The following CDH4 variants were observed in gnomAD, a reference collection of about 807,000 sequenced individuals.
The protein encoded by CDH4 is cadherin-4.
CDH4 carries 33 observed loss-of-function variants against 86.0 expected under a neutral mutation model. The ratio of observed to expected loss-of-function variants is 0.38; its 90% confidence interval spans 0.29 to 0.51. The LOEUF (loss-of-function observed/expected upper bound fraction) is 0.51. Ranked by LOEUF, CDH4 falls within the 20% of genes least tolerant of loss-of-function variation. The probability of loss-of-function intolerance (pLI) is 0.86; values close to 1 mark genes in which losing one functional copy is unlikely to be tolerated. For missense variants in CDH4, 1,114 were observed against 1,307.4 expected (o/e 0.85, Z 2.28); for synonymous variants, 555 against 549.4 (o/e 1.01, Z -0.14).
At chr20:61,838,839 G>A (rs201512876) in intron 4 of CDH4, among the ~76,000 whole-genome samples, 25 of 99,950 alleles carry the variant, frequency 2.5e-4, no homozygotes, top group East Asian at 1.0e-3. Flanking sequence ...AAAAAAAAAA[G>A]AAAGAAAGAA....
At chr20:61,594,255 G>T (rs1201599271) in intron 2 of CDH4, among the ~76,000 whole-genome samples, 1 of 129,102 alleles carries the variant, frequency 7.7e-6, no homozygotes, top group East Asian at 2.8e-4. Flanking sequence ...GGGGAAGAGG[G>T]TGGGGGGGAA....
At chr20:61,783,902 C>T (rs375835556) in intron 4 of CDH4, among the ~76,000 whole-genome samples, 1 of 17,874 alleles carries the variant, frequency 5.6e-5, no homozygotes, top group African/African-American at 4.6e-4. Flanking sequence ...TTCCTTGGGA[C>T]AGTTCTCAAG....
rs55698727 is a variant in CDH4, at chr20:61,703,138, C to A, written c.170-40425C>A. ...AGGGGGCCACGGGATGTTAGAAATG[C>A]GGCAGAGACCAAGCTGTGATCAGAA... On this transcript the variant is annotated intron_variant, in intron 2 of 15. Coordinates refer to ENST00000614565, the MANE Select transcript of CDH4 (RefSeq NM_001794.5). This position sits in a 1 kb window ranked among gnomAD's most constrained non-coding sequence, Gnocchi z 4.3. Among the ~76,000 whole-genome samples the A allele has an allele frequency of 6.6e-3, 999 of 152,258 alleles. 12 individuals carry two copies. The highest frequency in any genetic ancestry group is 0.023 in the African/African-American group (967 of 41,548).
intron 4 of CDH4, among the ~76,000 whole-genome samples, chr20:61,804,776 A>G (rs1424604992): frequency 2.6e-5 from 4 of 152,212 alleles, no homozygotes; most frequent in African/African-American, 9.6e-5. Context: ...AGAAGAAGAG[A>G]TGGCTCAGAG....
intron 2 of CDH4, among the ~76,000 whole-genome samples, chr20:61,699,967 A>G (rs2087757582): frequency 6.6e-6 from 1 of 152,176 alleles, no homozygotes; most frequent in African/African-American, 2.4e-5. Context: ...GGAAGTGTCA[A>G]AATGTGAGCA....
chr20:61,281,492 A>G (rs1249093968), intron 2 of CDH4, among the ~76,000 whole-genome samples: 1 of 152,340 alleles, frequency 6.6e-6, no homozygotes, highest in African/African-American at 2.4e-5. Context: ...GCCATGAGCA[A>G]CCAGTGTCTG....
At chr20:61,578,780 A>T (rs938539726) in intron 2 of CDH4, among the ~76,000 whole-genome samples, 1 of 152,074 alleles carries the variant, frequency 6.6e-6, no homozygotes, top group Non-Finnish European at 1.5e-5. Flanking sequence ...TGCTTCTCTC[A>T]TCCGGTCCAT....
At chr20:61,819,874 G>T (rs1035649205) in intron 4 of CDH4, among the ~76,000 whole-genome samples, 4 of 152,182 alleles carry the variant, frequency 2.6e-5, no homozygotes, top group Admixed American at 6.5e-5. Context: ...AGCAGGCCTG[G>T]TCCTCAGGTA....
rs1164572380 is a variant in CDH4, at chr20:61,684,798, C to T, written c.170-58765C>T. Among the ~76,000 whole-genome samples, 1 of 152,200 alleles carries T rather than the reference C, an allele frequency of 6.6e-6. No homozygotes were observed. ...AGCCCACAGCCGCCTGCCGTGACCA[C>T]CCCTCGATGTGGGTGAGGTTTCTAA... On this transcript the variant is annotated intron_variant, in intron 2 of 15. Coordinates refer to ENST00000614565, the MANE Select transcript of CDH4 (RefSeq NM_001794.5). The surrounding 1 kb of genome is among the most constrained non-coding windows in gnomAD (Gnocchi z 4.5).
chr20:61,589,198 A>C (rs528228936), intron 2 of CDH4, among the ~76,000 whole-genome samples: 1 of 152,224 alleles, frequency 6.6e-6, no homozygotes, highest in Non-Finnish European at 1.5e-5. Flanking sequence ...ACTTTTGCCA[A>C]ATAGGCTTCC....
rs2055239925 is a variant in CDH4, at chr20:61,939,648, A to G, written c.*2705A>G. ...TCTCTTCCTTAAGCTTGTAGATACG[A>G]CTGCCTATAATCAGGGGACTCCCAC... On this transcript the variant is annotated 3_prime_UTR_variant, in exon 16 of 16. Transcript: ENST00000614565. 1 of 152,254 alleles carries G rather than the reference A, an allele frequency of 6.6e-6. No individual in the cohort carries two copies. Among genetic ancestry groups the G allele is most frequent in the South Asian group, 2.1e-4 (1 of 4,830 alleles). 9.4% of individuals were successfully genotyped at this position (152,254 alleles called of 1,614,324 possible).
intron 2 of CDH4, among the ~76,000 whole-genome samples, chr20:61,687,255 T>C (rs2087593940): frequency 6.6e-6 from 1 of 152,204 alleles, no homozygotes; most frequent in Non-Finnish European, 1.5e-5. Context: ...CCAGACATCA[T>C]CCACTGGACT....
At chr20:61,398,735 G>T (rs2085032879) in intron 2 of CDH4, among the ~76,000 whole-genome samples, 1 of 152,214 alleles carries the variant, frequency 6.6e-6, no homozygotes, top group Non-Finnish European at 1.5e-5. Context: ...GGGTACCTAG[G>T]TCTGGGTACT....
intron 4 of CDH4, among the ~76,000 whole-genome samples, chr20:61,839,924 G>A (rs1427836131): frequency 6.6e-6 from 1 of 150,686 alleles, no homozygotes; most frequent in African/African-American, 2.4e-5. Context: ...TGTGTCATGT[G>A]TACATGTCTG....
chr20:61,657,423 C>T (rs964360314), intron 2 of CDH4, among the ~76,000 whole-genome samples: 4 of 152,254 alleles, frequency 2.6e-5, no homozygotes, highest in African/African-American at 9.6e-5. Context: ...AAAGATACAA[C>T]CACAAGACTA....
At chr20:61,526,805 A>G (rs1022136364) in intron 2 of CDH4, among the ~76,000 whole-genome samples, 2 of 152,186 alleles carry the variant, frequency 1.3e-5, no homozygotes, top group African/African-American at 4.8e-5. Context: ...ATTTTTAAAG[A>G]TCCTACAGTC....
Position 61,686,061 on chromosome 20 carries a change from A to AT in CDH4, c.170-57493dup, listed in dbSNP as rs966728849. 1.1e-4 allele frequency among the ~76,000 whole-genome samples: 17 copies of AT among 152,078 alleles called. No individual in the cohort carries two copies. In the East Asian group the frequency reaches 1.5e-3, roughly 14 times the overall value. On this transcript the variant is annotated intron_variant, in intron 2 of 15. Coordinates refer to ENST00000614565, the MANE Select transcript of CDH4 (RefSeq NM_001794.5). ...TGTTAGCACCATCAGAGGTGATGGGATTTTTTTTTCTTCCAGTGAAAATAG... is the reference window on the plus strand; with the variant it reads ...TGTTAGCACCATCAGAGGTGATGGGATTTTTTTTTTCTTCCAGTGAAAATAG...
rs376658044 is a variant in CDH4, at chr20:61,518,460, CCCATCGTCCAT to C, written c.170-225097_170-225087del. Among the ~76,000 whole-genome samples, 365 of 152,180 alleles carry C rather than the reference CCCATCGTCCAT, an allele frequency of 2.4e-3. 5 individuals carry two copies. The highest frequency in any genetic ancestry group is 8.4e-3 in the African/African-American group (347 of 41,518). On this transcript the variant is annotated intron_variant, in intron 2 of 15. Transcript: ENST00000614565. The surrounding 1 kb of genome is among the most constrained non-coding windows in gnomAD (Gnocchi z 6.3). ...CTCATCATCCATCATCCGTCATCCA[CCCATCGTCCAT>C]CCATCCATCCTTCCATCATTGATTC...
intron 2 of CDH4, among the ~76,000 whole-genome samples, chr20:61,258,816 T>A (rs2084114847): frequency 6.6e-6 from 1 of 152,074 alleles, no homozygotes; most frequent in Non-Finnish European, 1.5e-5. Flanking sequence ...TGCTTCTGAG[T>A]TCAGAGCAGA....
Sources: gnomAD v4.1 joint callset for allele counts (sites outside exome capture counted in the v4.1 genomes callset) on GRCh38, gnomAD v4.1.1 for gene constraint, Gnocchi (gnomAD v3.1) non-coding constraint, MANE v1.5 for transcripts, NCBI Gene and HGNC (gene_info 2026-07-23, HGNC 2026-07-21) for gene names.